BCAT1: variants seen among roughly 807,000 people sequenced by gnomAD.
BCAT1 encodes branched chain amino acid transaminase 1.
Under a neutral mutation model 52.4 loss-of-function variants are expected in BCAT1, and 48 were observed. The ratio of observed to expected loss-of-function variants is 0.92; its 90% CI spans 0.73 to 1.16. The LOEUF is 1.16. BCAT1 is among the 50% of genes most tolerant of loss of function. BCAT1 has a pLI of 0.00. For synonymous variants in BCAT1, 167 were observed against 161.3 expected, an observed-to-expected ratio of 1.04 and a Z score of -0.27; for missense variants, 451 against 457.1, an observed-to-expected ratio of 0.99 and a Z score of 0.12.
In BCAT1 at chr12:24,829,917, G is replaced by T. The variant is rs1423611258; in HGVS notation, c.1045-20C>A. On this transcript the variant is annotated intron_variant, in intron 9 of 10. Coordinates refer to ENST00000261192, the MANE Select transcript of BCAT1 (RefSeq NM_005504.7). ...TATTGTCTACAAAAGAAAGGGAAAT[G>T]AGATAATTTGAGGGTACTCATGTAT... 2 of 1,559,338 alleles carry T rather than the reference G, an allele frequency of 1.3e-6. No individual in the cohort carries two copies. The highest frequency in any genetic ancestry group is 1.4e-5 in the African/African-American group (1 of 73,220).
chr12:24,893,892 G>C (rs4143210), intron 3 of BCAT1, among the ~76,000 whole-genome samples: 22,848 of 152,150 alleles, frequency 0.15, 1,840 homozygotes, highest in East Asian at 0.24. Context: ...TAAAAATGTG[G>C]AGTTAGCATT....
In BCAT1 at chr12:24,813,535, G is replaced by A. The variant is rs1939764757; in HGVS notation, c.*4473C>T. ...TGCTGAGAAAATCAGCAAGGATGCTGTAATCTGTGGTGTTAATTTATTAGG... is the reference window on the plus strand; with the variant it reads ...TGCTGAGAAAATCAGCAAGGATGCTATAATCTGTGGTGTTAATTTATTAGG... On this transcript the variant is annotated 3_prime_UTR_variant, in exon 11 of 11. Coordinates refer to ENST00000261192, the MANE Select transcript of BCAT1 (RefSeq NM_005504.7). The A allele has an allele frequency of 6.6e-6, 1 of 151,972 alleles. No homozygotes were observed. The highest frequency in any genetic ancestry group is 6.6e-5 in the Admixed American group (1 of 15,250). 9.4% of individuals were successfully genotyped at this position (151,972 alleles called of 1,614,324 possible). A position where few individuals can be genotyped will look rare whatever the true frequency, so the allele number is the denominator to read the frequency against.
At chr12:24,878,860 T>C (rs1264357006) in intron 4 of BCAT1, among the ~76,000 whole-genome samples, 2 of 152,150 alleles carry the variant, frequency 1.3e-5, no homozygotes, top group African/African-American at 4.8e-5. Flanking sequence ...TATGCATGCA[T>C]GAAAACATCA....
intron 5 of BCAT1, among the ~76,000 whole-genome samples, chr12:24,863,803 T>C (rs571087032): frequency 6.6e-6 from 1 of 152,268 alleles, no homozygotes; most frequent in African/African-American, 2.4e-5. Context: ...TGATGTCACA[T>C]GCCTGTAATC....
intron 1 of BCAT1, among the ~76,000 whole-genome samples, chr12:24,934,538 G>C (rs1943724684): frequency 6.6e-6 from 1 of 152,118 alleles, no homozygotes; most frequent in Non-Finnish European, 1.5e-5. Context: ...CAAGAGAAAA[G>C]AAGAGGGTAC....
intron 1 of BCAT1, among the ~76,000 whole-genome samples, chr12:24,948,453 A>G (rs1484987509): frequency 3.3e-5 from 5 of 152,324 alleles, no homozygotes; most frequent in Middle Eastern, 3.4e-3. Context: ...AACAGTGAAA[A>G]GATCGTTCTC....
intron 1 of BCAT1, among the ~76,000 whole-genome samples, chr12:24,906,857 C>T (rs541980535): frequency 2.6e-5 from 4 of 152,270 alleles, no homozygotes; most frequent in South Asian, 2.1e-4. Flanking sequence ...CCATGTTATC[C>T]GCATCCTAGT....
chr12:24,905,721 A>G (rs563578359), intron 1 of BCAT1, among the ~76,000 whole-genome samples: 1 of 152,284 alleles, frequency 6.6e-6, no homozygotes, highest in Admixed American at 6.5e-5. Context: ...CTGTAGCTTT[A>G]GCAGTTTTCA....
At chr12:24,865,187 C>G (rs998391098) in intron 5 of BCAT1, among the ~76,000 whole-genome samples, 1 of 152,176 alleles carries the variant, frequency 6.6e-6, no homozygotes, top group Non-Finnish European at 1.5e-5. Context: ...CAAACTCTCC[C>G]CTGAATAATA....
chr12:24,927,336 A>C (rs1311953806), intron 1 of BCAT1, among the ~76,000 whole-genome samples: 4 of 152,182 alleles, frequency 2.6e-5, no homozygotes, highest in Admixed American at 2.6e-4. Flanking sequence ...AAGAAAAGAA[A>C]AAAATCAAGT....
intron 1 of BCAT1, among the ~76,000 whole-genome samples, chr12:24,915,636 C>T (rs1355023118): frequency 1.3e-5 from 2 of 152,124 alleles, no homozygotes; most frequent in Non-Finnish European, 2.9e-5. Context: ...AAAGCTAACC[C>T]TGGTAAGATC....
At chr12:24,868,259 T>A (rs1408141739) in intron 5 of BCAT1, among the ~76,000 whole-genome samples, 2 of 152,216 alleles carry the variant, frequency 1.3e-5, no homozygotes, top group Non-Finnish European at 2.9e-5. Flanking sequence ...TTACATCTTG[T>A]AATTTATGAC....
Position 24,829,830 on chromosome 12 carries a change from T to C in BCAT1, c.1112A>G (p.Asp371Gly). The C allele has an allele frequency of 6.2e-7, 1 of 1,607,228 alleles. No individual in the cohort carries two copies. The highest frequency in any genetic ancestry group is 1.1e-5 in the South Asian group (1 of 89,784). The change falls in exon 10 of 11, where the codon GAT becomes GGT. Residue 371 changes from aspartate to glycine, a missense_variant. Transcript: ENST00000261192. ...AGAAAAGAAAAGCTTTACCTGGATA[T>C]CAGTTAATTTGCTCAAGATGCGGCT... ...LASRILSKLT[D>G]IQYGREESDW...
intron 1 of BCAT1, among the ~76,000 whole-genome samples, chr12:24,933,159 A>G (rs1184303752): frequency 9.6e-6 from 1 of 104,612 alleles, no homozygotes; most frequent in African/African-American, 3.8e-5. Flanking sequence ...AGCAGAGATG[A>G]GGTTTCGCTA....
intron 1 of BCAT1, among the ~76,000 whole-genome samples, chr12:24,926,124 C>T (rs1943578182): frequency 6.6e-6 from 1 of 151,960 alleles, no homozygotes; most frequent in African/African-American, 2.4e-5. Flanking sequence ...TTCCCGGCTG[C>T]CATCCCGTCT....
intron 9 of BCAT1, chr12:24,830,927 A>G (rs1303574450): frequency 3.9e-5 from 6 of 152,342 alleles, no homozygotes; most frequent in Non-Finnish European, 7.3e-5. Context: ...AAGTCAGAGG[A>G]GTTGAGCAAA....
chr12:24,925,198 C>A (rs536585094), intron 1 of BCAT1, among the ~76,000 whole-genome samples: 2 of 152,206 alleles, frequency 1.3e-5, no homozygotes, highest in South Asian at 4.2e-4. Flanking sequence ...AGTTGAAGGC[C>A]TTAACAGCAA....
At chr12:24,846,194 T>C (rs1941339446) in intron 6 of BCAT1, among the ~76,000 whole-genome samples, 1 of 152,228 alleles carries the variant, frequency 6.6e-6, no homozygotes, top group African/African-American at 2.4e-5. Context: ...CAGTGACTAT[T>C]TCAATGCACT....
At chr12:24,854,855 A>T (rs1941622658) in intron 5 of BCAT1, among the ~76,000 whole-genome samples, 1 of 152,264 alleles carries the variant, frequency 6.6e-6, no homozygotes, top group Middle Eastern at 3.4e-3. Flanking sequence ...CTTGAAAAAA[A>T]TATTAATAAA....
Sources: allele counts gnomAD v4.1 joint callset (sites outside exome capture counted in the v4.1 genomes callset), GRCh38; gene constraint gnomAD v4.1.1; transcripts MANE v1.5; gene names NCBI Gene and HGNC (gene_info 2026-07-23, HGNC 2026-07-21).